KCNC2: variants seen among roughly 807,000 people sequenced by gnomAD.
KCNC2 encodes potassium voltage-gated channel subfamily C member 2.
Under a neutral mutation model 44.5 loss-of-function variants are expected in KCNC2, and 21 were observed. That is an observed-to-expected ratio of 0.47 (90% CI 0.33 to 0.68). The LOEUF (loss-of-function observed/expected upper bound fraction) is 0.68, where lower values mean the gene tolerates loss of function less well. KCNC2 is among the 30% of genes least tolerant of loss of function. KCNC2 has a pLI of 0.01. For synonymous variants in KCNC2, 391 were observed against 339.1 expected (o/e 1.15, Z -1.68); for missense variants, 589 against 826.2 (o/e 0.71, Z 3.52).
intron 4 of KCNC2, among the ~76,000 whole-genome samples, chr12:75,047,092 TA>T (rs141048811): frequency 0.027 from 4,098 of 152,134 alleles, 190 homozygotes; most frequent in African/African-American, 0.094. Flanking sequence ...AGTGGATTTT[TA>T]TTCAAATTCA....
At chr12:75,194,569 T>C (rs2030592891) in intron 2 of KCNC2, among the ~76,000 whole-genome samples, 1 of 152,156 alleles carries the variant, frequency 6.6e-6, no homozygotes, top group African/African-American at 2.4e-5. Flanking sequence ...TTAATACAGT[T>C]TAGTTAAGTG....
intron 2 of KCNC2, among the ~76,000 whole-genome samples, chr12:75,206,821 T>C (rs1336234027): frequency 6.6e-6 from 1 of 152,172 alleles, no homozygotes; most frequent in African/African-American, 2.4e-5. Flanking sequence ...CCTTCCTCTG[T>C]CCTCAGATTC....
chr12:75,166,650 T>G (rs1004741684), intron 2 of KCNC2, among the ~76,000 whole-genome samples: 1 of 151,148 alleles, frequency 6.6e-6, no homozygotes, highest in Non-Finnish European at 1.5e-5. Context: ...AAGTGTACAA[T>G]AGAGGCAAAT....
At chr12:75,187,634 G>T (rs1373514214) in intron 2 of KCNC2, among the ~76,000 whole-genome samples, 1 of 152,132 alleles carries the variant, frequency 6.6e-6, no homozygotes, top group Non-Finnish European at 1.5e-5. Context: ...AAATGTGGTG[G>T]CCAGAAGCAA....
intron 2 of KCNC2, among the ~76,000 whole-genome samples, chr12:75,171,226 C>T (rs556200434): frequency 4.6e-5 from 7 of 151,760 alleles, no homozygotes; most frequent in African/African-American, 7.2e-5. Context: ...TTAGTTACTT[C>T]GGCAAAATCC....
At chr12:75,076,943 T>G (rs1040948850) in intron 2 of KCNC2, among the ~76,000 whole-genome samples, 2 of 152,198 alleles carry the variant, frequency 1.3e-5, no homozygotes, top group South Asian at 4.1e-4. Context: ...ACAAAAATTT[T>G]AGTTTCAGCA....
chr12:75,057,567 C>G (rs10879877), intron 2 of KCNC2, among the ~76,000 whole-genome samples: 63,323 of 151,752 alleles, frequency 0.42, 16,484 homozygotes, highest in Non-Finnish European at 0.59. Context: ...TTCAATGAAA[C>G]CACTATACAC....
chr12:75,149,163 T>C (rs776345026), intron 2 of KCNC2, among the ~76,000 whole-genome samples: 1 of 151,816 alleles, frequency 6.6e-6, no homozygotes, highest in African/African-American at 2.4e-5. Flanking sequence ...ATTTAAAAAG[T>C]TAATGGTTTG....
chr12:75,197,983 A>C (rs1201921607), intron 2 of KCNC2, among the ~76,000 whole-genome samples: 1 of 151,986 alleles, frequency 6.6e-6, no homozygotes, highest in Non-Finnish European at 1.5e-5. Context: ...ACTAAATTAA[A>C]AAAATCTTGC....
intron 2 of KCNC2, among the ~76,000 whole-genome samples, chr12:75,134,688 A>T (rs1257953729): frequency 6.6e-6 from 1 of 151,932 alleles, no homozygotes; most frequent in Non-Finnish European, 1.5e-5. Context: ...CTTTTAAAAT[A>T]GTCTTCAGTC....
At chr12:75,051,452 T>C in intron 2 of KCNC2, 135 bp from the exon 3 acceptor site, 4 of 582,586 alleles carry the variant, frequency 6.9e-6, no homozygotes, top group South Asian at 2.4e-5. Flanking sequence ...GGATATGACC[T>C]AAGGAAAAGA....
At chr12:75,145,656 C>T (rs1592964512) in intron 2 of KCNC2, among the ~76,000 whole-genome samples, 1 of 152,170 alleles carries the variant, frequency 6.6e-6, no homozygotes. Flanking sequence ...TAATTTAAAA[C>T]ATTTAATCAG....
At chr12:75,166,763 A>C (rs749795839) in intron 2 of KCNC2, among the ~76,000 whole-genome samples, 8 of 151,166 alleles carry the variant, frequency 5.3e-5, no homozygotes, top group Non-Finnish European at 1.2e-4. Context: ...CTTGCAACAA[A>C]TGAAAACAAA....
intron 2 of KCNC2, among the ~76,000 whole-genome samples, chr12:75,060,379 G>A (rs1303844511): frequency 6.6e-6 from 1 of 151,922 alleles, no homozygotes; most frequent in African/African-American, 2.4e-5. Flanking sequence ...CACTCTTTTA[G>A]GGGAACAAAT....
intron 2 of KCNC2, among the ~76,000 whole-genome samples, chr12:75,123,497 C>A (rs1272433234): frequency 2.6e-5 from 4 of 152,172 alleles, no homozygotes; most frequent in Non-Finnish European, 1.5e-5. Context: ...AGTTTCTAAC[C>A]CTTAATTCTG....
chr12:75,042,074 GAA>G lies in KCNC2; in HGVS notation c.*1029_*1030del. On this transcript the variant is annotated 3_prime_UTR_variant, in exon 5 of 5. Transcript: ENST00000549446. Reference sequence around the variant, plus strand: ...AAGGCTAGTCAAAAAAGCCTTCTGTGAACACCAGTGACATTTGATGTTTGCAC... The same window carrying G: ...AAGGCTAGTCAAAAAAGCCTTCTGTGCACCAGTGACATTTGATGTTTGCAC... 1.7e-6 allele frequency: 2 copies of G among 1,198,280 alleles called. No homozygotes were observed. The highest frequency in any genetic ancestry group is 2.1e-6 in the Non-Finnish European group (2 of 967,056). 74.2% of individuals were successfully genotyped at this position (1,198,280 alleles called of 1,614,324 possible).
intron 2 of KCNC2, among the ~76,000 whole-genome samples, chr12:75,082,781 T>C (rs925189833): frequency 1.3e-5 from 2 of 151,822 alleles, no homozygotes; most frequent in African/African-American, 4.8e-5. Context: ...ACAATAAGGT[T>C]ACAAAAATAT....
At chr12:75,085,599 G>T (rs10879883) in intron 2 of KCNC2, among the ~76,000 whole-genome samples, 4 of 151,740 alleles carry the variant, frequency 2.6e-5, no homozygotes, top group African/African-American at 9.7e-5. Context: ...TGCTATAGGC[G>T]GGCTGACATA....
rs116276526 is a variant in KCNC2, at chr12:75,045,224, C to A, written c.1781-1983G>T. Among the ~76,000 whole-genome samples, 1,388 of 152,074 alleles carry A rather than the reference C, an allele frequency of 9.1e-3. 26 individuals carry two copies. Among genetic ancestry groups the A allele is most frequent in the African/African-American group, 0.032 (1,312 of 41,532 alleles). On this transcript the variant is annotated intron_variant, in intron 4 of 4. Transcript: ENST00000549446. ...CACAGATTTACAACTCTGTTCTCTA[C>A]AATCTCCTTGCTCCTACAAGACCCC...
Sources: allele counts gnomAD v4.1 joint callset (sites outside exome capture counted in the v4.1 genomes callset), GRCh38; gene constraint gnomAD v4.1.1; transcripts MANE v1.5; gene names NCBI Gene and HGNC (gene_info 2026-07-23, HGNC 2026-07-21).